AGMO: variants seen among roughly 807,000 people sequenced by gnomAD.
AGMO encodes the protein glyceryl-ether monooxygenase.
In AGMO, 75 loss-of-function variants were observed where a neutral mutation model predicts 60.2. The observed-to-expected ratio is 1.25, with a 90% CI of 1.03 to 1.51. The LOEUF (loss-of-function observed/expected upper bound fraction) is 1.51. AGMO is among the 40% of genes most tolerant of loss of function. The pLI is 0.00. For synonymous variants in AGMO, 261 were observed against 177.1 expected (o/e 1.47, Z -3.76); for missense variants, 763 against 525.5 (o/e 1.45, Z -4.42).
At chr7:15,269,600 A>G (rs941439140) in intron 12 of AGMO, among the ~76,000 whole-genome samples, 4 of 151,988 alleles carry the variant, frequency 2.6e-5, no homozygotes, top group Non-Finnish European at 5.9e-5. Context: ...CATGGACAGG[A>G]AGATTATTTT....
At chr7:15,531,221 T>TAC in intron 3 of AGMO, among the ~76,000 whole-genome samples, 1 of 94,198 alleles carries the variant, frequency 1.1e-5, no homozygotes, top group Non-Finnish European at 1.9e-5. Flanking sequence ...ATATTCTATA[T>TAC]ATATTCTATA....
At chr7:15,389,550 G>GT (rs746940764) in intron 8 of AGMO, among the ~76,000 whole-genome samples, 14 of 152,104 alleles carry the variant, frequency 9.2e-5, no homozygotes, top group Non-Finnish European at 1.8e-4. Context: ...TCTTCTTTTG[G>GT]TGTACGAGGA....
chr7:15,242,195 T>G (rs1782610281), intron 12 of AGMO, among the ~76,000 whole-genome samples: 1 of 152,156 alleles, frequency 6.6e-6, no homozygotes, highest in African/African-American at 2.4e-5. Context: ...TGATATATTA[T>G]CATATTCACA....
intron 10 of AGMO, among the ~76,000 whole-genome samples, chr7:15,384,817 C>CTTTTTTTTTTTTT (rs71953359): frequency 1.6e-5 from 2 of 121,294 alleles, no homozygotes; most frequent in Non-Finnish European, 1.7e-5. Flanking sequence ...CTGTTTTTCT[C>CTTTTTTTTTTTTT]TTTTTTTTTT....
chr7:15,229,091 G>C (rs1293905807), intron 12 of AGMO, among the ~76,000 whole-genome samples: 4 of 152,038 alleles, frequency 2.6e-5, no homozygotes, highest in South Asian at 2.1e-4. Context: ...CTACACTTTA[G>C]GTAATGCTCC....
chr7:15,322,476 A>G (rs193109631), intron 12 of AGMO, among the ~76,000 whole-genome samples: 1,191 of 84,874 alleles, frequency 0.014, 18 homozygotes, highest in South Asian at 0.057. Flanking sequence ...AAATATATAA[A>G]TATATATATA....
intron 2 of AGMO, 94 bp downstream of exon 2, chr7:15,560,047 A>G (rs1202413221): frequency 8.1e-7 from 1 of 1,228,298 alleles, no homozygotes; most frequent in Non-Finnish European, 1.1e-6. Flanking sequence ...AATTTGTGTA[A>G]ATAAACTAAT....
rs1477835270 is a variant in AGMO at position 15,531,139 on chromosome 7, C to CTA, written c.409+13631_409+13632dup. ...ATTCTATATATATTCTGTATATATT[C>CTA]TATATATATTCTATATATATTCTAT... On this transcript the variant is annotated intron_variant, in intron 3 of 12. Coordinates refer to ENST00000342526, the MANE Select transcript of AGMO (RefSeq NM_001004320.2). Among the ~76,000 whole-genome samples, 141 of 56,144 alleles carry CTA rather than the reference C, an allele frequency of 2.5e-3. 13 individuals carry two copies. The highest frequency in any genetic ancestry group is 0.01 in the African/African-American group (129 of 12,544). The allele number at this position is 56,144 out of a possible 152,430, so 36.8% of individuals were successfully genotyped here.
At chr7:15,220,757 T>C (rs934344413) in intron 12 of AGMO, among the ~76,000 whole-genome samples, 1 of 152,052 alleles carries the variant, frequency 6.6e-6, no homozygotes, top group Non-Finnish European at 1.5e-5. Context: ...AACTGGAAAT[T>C]GGCTAATAAC....
chr7:15,182,101 A>G, the AGMO span, among the ~76,000 whole-genome samples: 5 of 152,212 alleles, frequency 3.3e-5, no homozygotes, highest in Non-Finnish European at 7.3e-5. Context: ...GCCAGTCAAA[A>G]AAAGGAAAAA....
At chr7:15,424,926 C>T (rs1488771701) in intron 4 of AGMO, among the ~76,000 whole-genome samples, 1 of 152,132 alleles carries the variant, frequency 6.6e-6, no homozygotes, top group African/African-American at 2.4e-5. Flanking sequence ...AAGTCCAACT[C>T]CCACATATTG....
At chr7:15,224,230 C>A (rs531077332) in intron 12 of AGMO, among the ~76,000 whole-genome samples, 1 of 151,932 alleles carries the variant, frequency 6.6e-6, no homozygotes, top group African/African-American at 2.4e-5. Context: ...CAACCATATA[C>A]TCTAGCCAAA....
intron 5 of AGMO, among the ~76,000 whole-genome samples, chr7:15,416,346 A>G (rs1780769473): frequency 6.6e-6 from 1 of 152,052 alleles, no homozygotes; most frequent in African/African-American, 2.4e-5. Context: ...GACTTTGTTT[A>G]TTTATCAAAA....
intron 5 of AGMO, among the ~76,000 whole-genome samples, chr7:15,398,042 G>C (rs1054458588): frequency 6.6e-6 from 1 of 152,196 alleles, no homozygotes; most frequent in Non-Finnish European, 1.5e-5. Flanking sequence ...TTGTATCTAT[G>C]ACAGAGAACC....
the AGMO span, among the ~76,000 whole-genome samples, chr7:15,185,078 A>G: frequency 4.6e-5 from 7 of 152,228 alleles, no homozygotes; most frequent in Non-Finnish European, 8.8e-5. Context: ...AATGTTTTTC[A>G]GAATATAAAG....
intron 3 of AGMO, among the ~76,000 whole-genome samples, chr7:15,534,470 T>C (rs886863332): frequency 3.9e-5 from 6 of 151,988 alleles, no homozygotes; most frequent in Non-Finnish European, 7.4e-5. Context: ...TATAATTTTG[T>C]TTATTACAGT....
At chr7:15,299,543 T>A (rs943055927) in intron 12 of AGMO, among the ~76,000 whole-genome samples, 1 of 152,060 alleles carries the variant, frequency 6.6e-6, no homozygotes, top group Non-Finnish European at 1.5e-5. Context: ...ATATATTATA[T>A]GGCCAGGTGC....
At chr7:15,414,190 G>A (rs62439280) in intron 5 of AGMO, among the ~76,000 whole-genome samples, 10,459 of 151,648 alleles carry the variant, frequency 0.069, 532 homozygotes, top group African/African-American at 0.14. Context: ...TTGTAGAGAT[G>A]GGGTTTCATC....
At chr7:15,163,022 T>C in the AGMO span, among the ~76,000 whole-genome samples, 1 of 152,182 alleles carries the variant, frequency 6.6e-6, no homozygotes, top group Non-Finnish European at 1.5e-5. Context: ...TAGTTCTCCT[T>C]GTAGAGCTCA....
Sources: gnomAD v4.1 joint callset for allele counts (sites outside exome capture counted in the v4.1 genomes callset) on GRCh38, gnomAD v4.1.1 for gene constraint, MANE v1.5 for transcripts, NCBI Gene and HGNC (gene_info 2026-07-23, HGNC 2026-07-21) for gene names.